Variants in LTBP1 observed in about 807,000 individuals in gnomAD.
LTBP1 encodes the protein latent-transforming growth factor beta-binding protein 1.
LTBP1 carries 129 observed loss-of-function variants against 207.6 expected under a neutral mutation model. The ratio of observed to expected loss-of-function variants is 0.62; its 90% CI spans 0.54 to 0.72. LTBP1 has a LOEUF of 0.72. Ranked by LOEUF, LTBP1 falls within the 30% of genes least tolerant of loss-of-function variation. The probability of loss-of-function intolerance (pLI) is 0.00; values close to 1 mark genes in which losing one functional copy is unlikely to be tolerated. For missense variants in LTBP1, 2,281 were observed against 2,217.2 expected (o/e 1.03, Z -0.58); for synonymous variants, 963 against 833.7 (o/e 1.16, Z -2.67).
intron 2 of LTBP1, among the ~76,000 whole-genome samples, chr2:32,975,651 G>C (rs1406648787): frequency 8.7e-6 from 1 of 115,064 alleles, no homozygotes; most frequent in East Asian, 2.6e-4. Flanking sequence ...GAGAATCAGT[G>C]TTCAGGCTCT....
At chr2:33,161,019 G>A (rs2084417341) in intron 5 of LTBP1, among the ~76,000 whole-genome samples, 1 of 152,112 alleles carries the variant, frequency 6.6e-6, no homozygotes, top group Admixed American at 6.5e-5. Context: ...TGTACACTTT[G>A]GAGATAGCAT....
chr2:33,324,918 G>A (rs1054090418), intron 24 of LTBP1, among the ~76,000 whole-genome samples: 1 of 152,050 alleles, frequency 6.6e-6, no homozygotes, highest in Admixed American at 6.6e-5. Flanking sequence ...TGTTAGCCGG[G>A]ATGGTCTCTA....
intron 7 of LTBP1, among the ~76,000 whole-genome samples, chr2:33,204,523 T>G (rs745460466): frequency 2.0e-5 from 3 of 152,156 alleles, no homozygotes; most frequent in Non-Finnish European, 4.4e-5. Context: ...TCTAACGGAG[T>G]TGTTAAAGAA....
chr2:33,277,767 TTC>T (rs1491188902), intron 18 of LTBP1, among the ~76,000 whole-genome samples: 1 of 32,754 alleles, frequency 3.1e-5, no homozygotes, highest in East Asian at 3.9e-4. Flanking sequence ...TTCCCTTTCT[TTC>T]TTTCTTTCTT....
chr2:33,080,509 C>T (rs1465060481), intron 3 of LTBP1, among the ~76,000 whole-genome samples: 1 of 152,012 alleles, frequency 6.6e-6, no homozygotes, highest in African/African-American at 2.4e-5. Context: ...TTCTATTTGT[C>T]AAATCTTTAA....
chr2:33,236,317 T>G (rs984540833), intron 9 of LTBP1, among the ~76,000 whole-genome samples: 11 of 152,322 alleles, frequency 7.2e-5, no homozygotes, highest in African/African-American at 2.4e-4. Flanking sequence ...AATGGCTCAG[T>G]GGGAACTGAT....
At chr2:33,001,948 A>G (rs1215707667) in intron 2 of LTBP1, among the ~76,000 whole-genome samples, 1 of 134,752 alleles carries the variant, frequency 7.4e-6, no homozygotes, top group Non-Finnish European at 1.6e-5. Flanking sequence ...AGACGCTTGC[A>G]GAAAGCTGGC....
At chr2:33,304,595 A>T (rs545474555) in intron 22 of LTBP1, among the ~76,000 whole-genome samples, 1 of 152,148 alleles carries the variant, frequency 6.6e-6, no homozygotes, top group Non-Finnish European at 1.5e-5. Context: ...ACGTGCCTCA[A>T]TTGTCCTCAT....
chr2:32,972,097 C>T (rs1376880892), intron 2 of LTBP1, among the ~76,000 whole-genome samples: 2 of 144,016 alleles, frequency 1.4e-5, no homozygotes, highest in Non-Finnish European at 3.0e-5. Context: ...GAAGTGTTTG[C>T]AAGAGTCTCT....
chr2:33,092,968 A>G (rs902269230), intron 3 of LTBP1, among the ~76,000 whole-genome samples: 19 of 152,086 alleles, frequency 1.2e-4, no homozygotes, highest in Non-Finnish European at 1.9e-4. Flanking sequence ...TTTTAGGGGG[A>G]ATGTTTCAGT....
intron 3 of LTBP1, among the ~76,000 whole-genome samples, chr2:33,038,710 A>C (rs2076041042): frequency 6.6e-6 from 1 of 152,252 alleles, no homozygotes; most frequent in South Asian, 2.1e-4. Flanking sequence ...TGGAGGCTAG[A>C]CCATAAAGTT....
chr2:33,259,498 A>C (rs748975792), intron 12 of LTBP1, 90 bp from the exon 13 acceptor site: 1 of 893,416 alleles, frequency 1.1e-6, no homozygotes, highest in Admixed American at 2.5e-5. Flanking sequence ...TTGCAGAGAT[A>C]ATGGACTTCT....
chr2:33,328,781 A>G (rs2094460411), intron 24 of LTBP1, among the ~76,000 whole-genome samples: 1 of 152,234 alleles, frequency 6.6e-6, no homozygotes, highest in Admixed American at 6.5e-5. Flanking sequence ...ACATGTAATC[A>G]TAATATGTAC....
At position 33,388,864 on chromosome 2, in the gene LTBP1, C is replaced by T. The variant is rs113505008; in HGVS notation, c.4712-320C>T. On this transcript the variant is annotated intron_variant, in intron 31 of 33. Coordinates refer to ENST00000404816, the MANE Select transcript of LTBP1 (RefSeq NM_206943.4). ...GATGGCTTTAGATAAAGCCATCCTT[C>T]CAAAAGGCCTGAAGCACTCTCAGAT... Among the ~76,000 whole-genome samples the T allele has an allele frequency of 3.3e-4, 50 of 152,288 alleles. 1 individual carries two copies. The highest frequency in any genetic ancestry group is 1.2e-3 in the African/African-American group (50 of 41,558).
At chr2:33,339,164 T>A (rs2094587080) in intron 24 of LTBP1, among the ~76,000 whole-genome samples, 1 of 151,810 alleles carries the variant, frequency 6.6e-6, no homozygotes, top group South Asian at 2.1e-4. Context: ...AAGGGTGATA[T>A]TAAGATTTCT....
chr2:33,268,329 A>G (rs2093234866), intron 15 of LTBP1, among the ~76,000 whole-genome samples: 1 of 152,224 alleles, frequency 6.6e-6, no homozygotes, highest in Non-Finnish European at 1.5e-5. Context: ...GGTAAATATT[A>G]TTTGTTACTG....
At chr2:33,177,524 C>T (rs1185167903) in intron 5 of LTBP1, among the ~76,000 whole-genome samples, 1 of 151,998 alleles carries the variant, frequency 6.6e-6, no homozygotes, top group African/African-American at 2.4e-5. Context: ...AAAAATTAGC[C>T]AGGAGTGGTG....
chr2:32,994,083 T>C (rs1432517449), intron 2 of LTBP1, among the ~76,000 whole-genome samples: 1 of 151,898 alleles, frequency 6.6e-6, no homozygotes, highest in African/African-American at 2.4e-5. Flanking sequence ...GTGATTATTG[T>C]AGTGCCCTCG....
intron 15 of LTBP1, among the ~76,000 whole-genome samples, chr2:33,272,898 C>T (rs1005970189): frequency 6.6e-6 from 1 of 152,036 alleles, no homozygotes; most frequent in Non-Finnish European, 1.5e-5. Context: ...ACCATGGACT[C>T]CTAAGACCCT....
Sources: gnomAD v4.1 joint callset for allele counts (sites outside exome capture counted in the v4.1 genomes callset) on GRCh38, gnomAD v4.1.1 for gene constraint, MANE v1.5 for transcripts, NCBI Gene and HGNC (gene_info 2026-07-23, HGNC 2026-07-21) for gene names.